The following NEK11 variants were observed in gnomAD, a reference collection of about 807,000 sequenced individuals.
NEK11 encodes serine/threonine-protein kinase Nek11.
A neutral mutation model predicts 80.7 loss-of-function variants in NEK11; 72 were observed. That is an observed-to-expected ratio of 0.89 (90% confidence interval 0.74 to 1.08). The LOEUF (loss-of-function observed/expected upper bound fraction) is 1.08. Ranked by LOEUF, NEK11 falls within the 50% of genes least tolerant of loss-of-function variation. NEK11 has a pLI of 0.00. For synonymous variants in NEK11, 251 were observed against 260.7 expected (o/e 0.96, Z 0.36); for missense variants, 764 against 763.6 (o/e 1.00, Z -0.01).
chr3:131,058,202 T>A (rs1255822482), intron 3 of NEK11, among the ~76,000 whole-genome samples: 1 of 152,204 alleles, frequency 6.6e-6, no homozygotes, highest in African/African-American at 2.4e-5. Context: ...TAGTTGTAGA[T>A]ATGCGGCGTT....
chr3:131,131,763 C>T (rs1405088360), intron 5 of NEK11, among the ~76,000 whole-genome samples: 1 of 151,778 alleles, frequency 6.6e-6, no homozygotes, highest in African/African-American at 2.4e-5. Flanking sequence ...ATTTGCTTTT[C>T]TTTTCTAGTT....
intron 16 of NEK11, among the ~76,000 whole-genome samples, chr3:131,261,790 G>GC (rs2095926463): frequency 6.6e-6 from 1 of 152,038 alleles, no homozygotes; most frequent in Non-Finnish European, 1.5e-5. Context: ...TTAATTGACT[G>GC]CAAGATTTTT....
At position 131,034,587 on chromosome 3, in the gene NEK11, G is replaced by C. The variant is rs143060105; in HGVS notation, c.170+4709G>C. 4.6e-3 allele frequency among the ~76,000 whole-genome samples: 706 copies of C among 152,260 alleles called. 4 individuals are homozygous for C. The highest frequency in any genetic ancestry group is 0.015 in the African/African-American group (641 of 41,546). On this transcript the variant is annotated intron_variant, in intron 3 of 17. Transcript: ENST00000383366. ...GCTAATTTTTTGTATTTTTAGTAGA[G>C]ATGGGGTTTCACCGTGGTCTCGATC...
At chr3:131,169,435 AC>A (rs1413803031) in intron 13 of NEK11, among the ~76,000 whole-genome samples, 3 of 152,058 alleles carry the variant, frequency 2.0e-5, no homozygotes, top group African/African-American at 7.2e-5. Flanking sequence ...TGTTTTTCAG[AC>A]CCTAGCTGAC....
At chr3:131,200,192 A>G (rs1401404787) in intron 14 of NEK11, among the ~76,000 whole-genome samples, 1 of 152,236 alleles carries the variant, frequency 6.6e-6, no homozygotes, top group East Asian at 1.9e-4. Flanking sequence ...CGCATAAGTA[A>G]TTGACATCTT....
In NEK11 at chr3:131,170,279, T is replaced by C. The variant is rs1353669015; in HGVS notation, c.1285-494T>C. Among the ~76,000 whole-genome samples, 6 of 152,362 alleles carry C rather than the reference T, an allele frequency of 3.9e-5. No homozygotes were observed. The South Asian group carries it at 8.3e-4, about 21-fold the overall frequency. Reference sequence around the variant, plus strand: ...TTATTTTTTTGAAGTGTGAATTCTTTCATCATGTGGTCTCTTAGATCTTTT... The same window carrying C: ...TTATTTTTTTGAAGTGTGAATTCTTCCATCATGTGGTCTCTTAGATCTTTT... On this transcript the variant is annotated intron_variant, in intron 13 of 17. Coordinates refer to ENST00000383366, the MANE Select transcript of NEK11 (RefSeq NM_024800.5).
rs1274389032 is a variant in NEK11, at chr3:131,026,959, G to T, written c.-217G>T. 1.3e-5 allele frequency: 2 copies of T among 152,272 alleles called. No individual in the cohort carries two copies. The highest frequency in any genetic ancestry group is 4.8e-5 in the African/African-American group (2 of 41,434). 9.4% of individuals were successfully genotyped at this position (152,272 alleles called of 1,614,324 possible). A position where few individuals can be genotyped will look rare whatever the true frequency, so the allele number is the denominator to read the frequency against. On this transcript the variant is annotated 5_prime_UTR_variant, in exon 1 of 18. Transcript: ENST00000383366. ...TAGTTTGAGGCCTGCCCGATTACCC[G>T]CAAGACTTGGGCAGCCCCGGGCGCC...
At chr3:131,037,639 A>C (rs1356882446) in intron 3 of NEK11, among the ~76,000 whole-genome samples, 1 of 152,206 alleles carries the variant, frequency 6.6e-6, no homozygotes, top group East Asian at 1.9e-4. Context: ...ATACACTTTC[A>C]ATAATTCAGA....
chr3:131,102,579 A>G (rs1464297543), intron 4 of NEK11, among the ~76,000 whole-genome samples: 1 of 152,096 alleles, frequency 6.6e-6, no homozygotes, highest in African/African-American at 2.4e-5. Context: ...CTGTGCATGA[A>G]TTGACTTTTC....
At chr3:131,319,057 C>CT (rs557461903) in intron 17 of NEK11, among the ~76,000 whole-genome samples, 4 of 151,546 alleles carry the variant, frequency 2.6e-5, no homozygotes, top group Non-Finnish European at 5.9e-5. Context: ...TTGACATAAA[C>CT]TTTTTTTTAC....
intron 14 of NEK11, among the ~76,000 whole-genome samples, chr3:131,200,021 C>G (rs926313402): frequency 1.3e-5 from 2 of 151,964 alleles, no homozygotes; most frequent in Non-Finnish European, 2.9e-5. Context: ...TGAAGAATAC[C>G]GAGTAACAAA....
chr3:131,216,403 G>A (rs2094835900), intron 14 of NEK11, among the ~76,000 whole-genome samples: 1 of 152,204 alleles, frequency 6.6e-6, no homozygotes, highest in African/African-American at 2.4e-5. Flanking sequence ...TGGCAGCGAG[G>A]GCCTCATTGA....
intron 7 of NEK11, among the ~76,000 whole-genome samples, chr3:131,150,244 T>C (rs1304274547): frequency 6.6e-6 from 1 of 152,086 alleles, no homozygotes; most frequent in Admixed American, 6.6e-5. Flanking sequence ...TGGCCCTGTA[T>C]ATTGTCAATT....
At chr3:131,197,548 G>A (rs911595637) in intron 14 of NEK11, among the ~76,000 whole-genome samples, 1 of 152,126 alleles carries the variant, frequency 6.6e-6, no homozygotes, top group African/African-American at 2.4e-5. Flanking sequence ...CACAGGCCCT[G>A]ACTATCTGCT....
At chr3:131,302,728 C>T (rs2096675382) in intron 17 of NEK11, among the ~76,000 whole-genome samples, 1 of 151,892 alleles carries the variant, frequency 6.6e-6, no homozygotes, top group Non-Finnish European at 1.5e-5. Context: ...CGTATGATTT[C>T]GATTTTTTTT....
In NEK11 at chr3:131,349,561, G is replaced by A. The variant is rs746895683; in HGVS notation, c.1723G>A (p.Ala575Thr). Residue 575 changes from alanine to threonine, a missense_variant, in exon 18 of 18, where the codon GCC becomes ACC. Ala to Thr is a moderately conservative substitution (Grantham distance 58). Coordinates refer to ENST00000383366, the MANE Select transcript of NEK11 (RefSeq NM_024800.5). ...CTTTTGTAACTTTTTTGACAGATCA[G>A]CCATGCAGAAGCTGGGGACAGAAGT... Reference protein sequence around the residue: ...RTKMKRMRESAMQKLGTEVFE... With the variant: ...RTKMKRMRESTMQKLGTEVFE... The A allele has an allele frequency of 1.9e-6, 3 of 1,613,300 alleles. No homozygotes were observed. In the East Asian group the frequency reaches 6.7e-5, roughly 36 times the overall value.
chr3:131,090,696 G>A (rs1285760284), intron 4 of NEK11, among the ~76,000 whole-genome samples: 1 of 152,144 alleles, frequency 6.6e-6, no homozygotes. Flanking sequence ...ATCATAATTT[G>A]TTGTGTCTAA....
intron 4 of NEK11, among the ~76,000 whole-genome samples, chr3:131,089,728 T>C (rs551741456): frequency 2.6e-5 from 4 of 152,180 alleles, no homozygotes; most frequent in Non-Finnish European, 5.9e-5. Flanking sequence ...CATGAGCCAC[T>C]GCACCCAATC....
intron 14 of NEK11, among the ~76,000 whole-genome samples, chr3:131,226,093 A>T (rs1158465877): frequency 6.6e-6 from 1 of 152,162 alleles, no homozygotes; most frequent in African/African-American, 2.4e-5. Context: ...AGGAAGTAGA[A>T]AAGAGTGGGG....
Sources: gnomAD v4.1 joint callset for allele counts (sites outside exome capture counted in the v4.1 genomes callset) on GRCh38, gnomAD v4.1.1 for gene constraint, MANE v1.5 for transcripts, NCBI Gene and HGNC (gene_info 2026-07-23, HGNC 2026-07-21) for gene names.